PRKCH: variants seen among roughly 807,000 people sequenced by gnomAD.
The protein encoded by PRKCH is protein kinase C eta.
A neutral mutation model predicts 82.5 loss-of-function variants in PRKCH; 28 were observed. The ratio of observed to expected loss-of-function variants is 0.34; its 90% CI spans 0.25 to 0.47. PRKCH has a LOEUF of 0.47. Among genes scored for constraint, PRKCH ranks in the 20% least tolerant of loss-of-function variants. The pLI, the probability that PRKCH is intolerant of heterozygous loss-of-function variation, is 1.00. For synonymous variants in PRKCH, 322 were observed against 327.4 expected (o/e 0.98, Z 0.18); for missense variants, 705 against 881.8 (o/e 0.80, Z 2.54).
intron 2 of PRKCH, among the ~76,000 whole-genome samples, chr14:61,433,402 A>G (rs900961501): frequency 1.3e-5 from 2 of 152,250 alleles, no homozygotes; most frequent in Admixed American, 1.3e-4. Context: ...GGAATAAGCC[A>G]AACTAAAGGG....
At chr14:61,341,258 G>A (rs1251258687) in intron 1 of PRKCH, among the ~76,000 whole-genome samples, 1 of 152,118 alleles carries the variant, frequency 6.6e-6, no homozygotes, top group Non-Finnish European at 1.5e-5. Context: ...GGACAGACTA[G>A]GTTTTCTTGC....
rs181943975 is a variant in PRKCH, at chr14:61,189,566, G to C, written c.-19+1898G>C. ...CTTCTGTTTCTTCCTGAGAGTAGGG[G>C]AGGCACATTTTCCTCTCCCCTCCGT... On this transcript the variant is annotated intron_variant, in intron 1 of 3. Transcript: ENST00000555185. Among the ~76,000 whole-genome samples the C allele has an allele frequency of 3.1e-3, 475 of 151,686 alleles. 2 individuals are homozygous for C. The highest frequency in any genetic ancestry group is 0.01 in the African/African-American group (425 of 41,340).
At chr14:61,453,432 C>T in intron 7 of PRKCH, 79 bp downstream of exon 7, 2 of 1,487,304 alleles carry the variant, frequency 1.3e-6, no homozygotes, top group East Asian at 2.3e-5. Context: ...AGCATGTGGC[C>T]TCATCAAAGT....
chr14:61,218,304 C>T (rs1342914108), intron 1 of PRKCH, among the ~76,000 whole-genome samples: 1 of 152,170 alleles, frequency 6.6e-6, no homozygotes, highest in African/African-American at 2.4e-5. Context: ...CCTTTCAACC[C>T]TATACCCTCT....
chr14:61,545,335 A>G (rs2043241335), intron 12 of PRKCH: 3 of 152,112 alleles, frequency 2.0e-5, no homozygotes, highest in Admixed American at 2.0e-4. Context: ...GCCTCTTCCA[A>G]GCTCTCACAG....
At chr14:61,376,367 G>C (rs2046428309) in intron 1 of PRKCH, among the ~76,000 whole-genome samples, 1 of 152,072 alleles carries the variant, frequency 6.6e-6, no homozygotes, top group Non-Finnish European at 1.5e-5. Flanking sequence ...AGTTATTCCT[G>C]TGTGGATGAC....
At chr14:61,431,356 G>T (rs181359350) in intron 2 of PRKCH, among the ~76,000 whole-genome samples, 33 of 152,250 alleles carry the variant, frequency 2.2e-4, no homozygotes, top group Non-Finnish European at 4.4e-4. Context: ...GTCAAGCGTC[G>T]GACAGGGTCC....
At chr14:61,485,171 C>T (rs925483123) in intron 9 of PRKCH, among the ~76,000 whole-genome samples, 2 of 152,162 alleles carry the variant, frequency 1.3e-5, no homozygotes, top group African/African-American at 2.4e-5. Context: ...ATTTACCTTT[C>T]GATTTACATT....
chr14:61,207,931 T>G (rs2044540118), intron 1 of PRKCH, among the ~76,000 whole-genome samples: 2 of 152,206 alleles, frequency 1.3e-5, no homozygotes, highest in African/African-American at 4.8e-5. Flanking sequence ...TTGATTTCTG[T>G]GTTGTCCCCA....
intron 2 of PRKCH, among the ~76,000 whole-genome samples, chr14:61,392,954 C>A (rs1380383121): frequency 6.6e-6 from 1 of 150,782 alleles, no homozygotes; most frequent in East Asian, 1.9e-4. Context: ...CATTTTTTTT[C>A]AATACACGAA....
intron 2 of PRKCH, among the ~76,000 whole-genome samples, chr14:61,401,063 G>A (rs1362287778): frequency 6.6e-6 from 1 of 152,076 alleles, no homozygotes; most frequent in Non-Finnish European, 1.5e-5. Flanking sequence ...CTTGTCTTTT[G>A]GGATGATGTC....
At chr14:61,444,758 A>C (rs528728978) in intron 3 of PRKCH, among the ~76,000 whole-genome samples, 1 of 152,166 alleles carries the variant, frequency 6.6e-6, no homozygotes, top group Non-Finnish European at 1.5e-5. Flanking sequence ...ATGTCTCTTC[A>C]TTTGCAAAAT....
At chr14:61,388,945 C>T (rs1391726887) in intron 1 of PRKCH, among the ~76,000 whole-genome samples, 1 of 152,188 alleles carries the variant, frequency 6.6e-6, no homozygotes, top group Non-Finnish European at 1.5e-5. Context: ...TGAATCTGAA[C>T]AAAGCAGGCA....
intron 10 of PRKCH, among the ~76,000 whole-genome samples, chr14:61,506,614 G>A (rs538328563): frequency 6.6e-6 from 1 of 152,260 alleles, no homozygotes; most frequent in South Asian, 2.1e-4. Flanking sequence ...AAGCAGCCCT[G>A]AACTAACTGC....
At chr14:61,375,549 C>CA (rs2046418280) in intron 1 of PRKCH, among the ~76,000 whole-genome samples, 2 of 152,116 alleles carry the variant, frequency 1.3e-5, no homozygotes, top group South Asian at 4.1e-4. Context: ...GGCTGTACAA[C>CA]AGCATGGCTA....
intron 10 of PRKCH, among the ~76,000 whole-genome samples, chr14:61,517,336 G>A (rs188330538): frequency 2.6e-5 from 4 of 152,308 alleles, no homozygotes; most frequent in East Asian, 1.9e-4. Context: ...AAGTTCCAAC[G>A]CTGGCAAAGC....
At chr14:61,266,229 C>A (rs1393040871) in intron 1 of PRKCH, among the ~76,000 whole-genome samples, 1 of 151,772 alleles carries the variant, frequency 6.6e-6, no homozygotes, top group Middle Eastern at 3.2e-3. Context: ...ACTAGCCTGG[C>A]AGGCATGGTG....
chr14:61,282,270 C>CTTTTTTTTTTTTTTTT (rs10719485), intron 1 of PRKCH, among the ~76,000 whole-genome samples: 1 of 129,350 alleles, frequency 7.7e-6, no homozygotes, highest in Non-Finnish European at 1.7e-5. Flanking sequence ...GGGATTCTGG[C>CTTTTTTTTTTTTTTTT]TTTTTTTTTT....
At chr14:61,433,372 A>G (rs904455448) in intron 2 of PRKCH, among the ~76,000 whole-genome samples, 2 of 152,218 alleles carry the variant, frequency 1.3e-5, no homozygotes, top group African/African-American at 2.4e-5. Context: ...TAAGAGAGAA[A>G]AAAAAATCAA....
Sources: allele counts gnomAD v4.1 joint callset (sites outside exome capture counted in the v4.1 genomes callset), GRCh38; gene constraint gnomAD v4.1.1; transcripts MANE v1.5; gene names NCBI Gene and HGNC (gene_info 2026-07-23, HGNC 2026-07-21).